ZNF420: variants seen among roughly 807,000 people sequenced by gnomAD.
The protein encoded by ZNF420 is zinc finger protein 420.
Under a neutral mutation model 44.7 loss-of-function variants are expected in ZNF420, and 31 were observed. That is an observed-to-expected ratio of 0.69 (90% confidence interval 0.52 to 0.94). The LOEUF is 0.94. Among genes scored for constraint, ZNF420 ranks in the 40% least tolerant of loss-of-function variants. The probability of loss-of-function intolerance (pLI) is 0.00; values close to 1 mark genes in which losing one functional copy is unlikely to be tolerated. For missense variants in ZNF420, 681 were observed against 827.9 expected, an observed-to-expected ratio of 0.82 and a Z score of 2.18; for synonymous variants, 245 against 267.4, an observed-to-expected ratio of 0.92 and a Z score of 0.82.
intron 1 of ZNF420, among the ~76,000 whole-genome samples, chr19:37,031,574 C>T (rs1599604880): frequency 1.3e-5 from 2 of 152,068 alleles, no homozygotes; most frequent in Admixed American, 6.5e-5. Flanking sequence ...GGCATGATCT[C>T]GGCTCACGGC....
chr19:37,104,401 T>C (rs2146620250), intron 4 of ZNF420, among the ~76,000 whole-genome samples: 1 of 152,268 alleles, frequency 6.6e-6, no homozygotes, highest in South Asian at 2.1e-4. Flanking sequence ...GACATTTGGG[T>C]TGGTTCCAAG....
chr19:37,077,904 A>C (rs945959192), upstream of ZNF420, among the ~76,000 whole-genome samples: 3 of 152,122 alleles, frequency 2.0e-5, no homozygotes, highest in Non-Finnish European at 4.4e-5. Flanking sequence ...AAATCACCTC[A>C]CACCCCACAG....
At chr19:37,118,573 A>G (rs1970828615) in intron 4 of ZNF420, among the ~76,000 whole-genome samples, 1 of 152,190 alleles carries the variant, frequency 6.6e-6, no homozygotes, top group Admixed American at 6.6e-5. Context: ...AATGAGCAAA[A>G]TAACCAGCTA....
chr19:37,078,468 T>A lies in ZNF420; in HGVS notation c.-227T>A, dbSNP rs1355902725. On this transcript the variant is annotated 5_prime_UTR_variant, in exon 1 of 5. Coordinates refer to ENST00000337995, the MANE Select transcript of ZNF420 (RefSeq NM_144689.5). ...GGCCTCGCGTGGGGAGAGGGCCGCGTCTGTGGAGGAGCTTGGCTCCGCACC... is the reference window on the plus strand; with the variant it reads ...GGCCTCGCGTGGGGAGAGGGCCGCGACTGTGGAGGAGCTTGGCTCCGCACC... The A allele has an allele frequency of 6.6e-6, 1 of 152,300 alleles. No homozygotes were observed. The highest frequency in any genetic ancestry group is 2.4e-5 in the African/African-American group (1 of 41,474). 9.4% of individuals were successfully genotyped at this position (152,300 alleles called of 1,614,324 possible).
At chr19:37,102,542 A>G (rs1007587921) in intron 4 of ZNF420, among the ~76,000 whole-genome samples, 2 of 152,214 alleles carry the variant, frequency 1.3e-5, no homozygotes, top group Admixed American at 1.3e-4. Context: ...GCTGTAGCCA[A>G]GCCCTCTGGG....
chr19:37,090,929 A>AG, intron 3 of ZNF420, 66 bp from the exon 4 acceptor site: 2 of 1,544,496 alleles, frequency 1.3e-6, no homozygotes, highest in Admixed American at 1.9e-5. Context: ...CAAAAAAAAA[A>AG]AAAGAAAGAA....
intron 4 of ZNF420, among the ~76,000 whole-genome samples, chr19:37,112,363 G>A (rs888532101): frequency 1.3e-5 from 2 of 152,032 alleles, no homozygotes; most frequent in East Asian, 1.9e-4. Flanking sequence ...ACAGATTAAC[G>A]GGAATTGAAG....
chr19:37,022,414 C>T (rs1043730720), intron 1 of ZNF420, among the ~76,000 whole-genome samples: 1 of 152,070 alleles, frequency 6.6e-6, no homozygotes, highest in African/African-American at 2.4e-5. Context: ...ATCTGAATTT[C>T]ATTCCAGGAT....
chr19:37,125,358 T>C (rs751906020), intron 4 of ZNF420, among the ~76,000 whole-genome samples: 1 of 152,180 alleles, frequency 6.6e-6, no homozygotes, highest in Non-Finnish European at 1.5e-5. Flanking sequence ...CTTAGTATCC[T>C]ATTTGAAAGG....
At chr19:37,017,247 G>A (rs1044225307) in intron 1 of ZNF420, among the ~76,000 whole-genome samples, 5 of 152,184 alleles carry the variant, frequency 3.3e-5, no homozygotes, top group Non-Finnish European at 7.3e-5. Context: ...TGTCTGAAGT[G>A]AGAGTAGTCT....
chr19:37,118,581 C>G (rs566440983), intron 4 of ZNF420, among the ~76,000 whole-genome samples: 6,770 of 152,122 alleles, frequency 0.045, 204 homozygotes, highest in East Asian at 0.078. Flanking sequence ...AAATAACCAG[C>G]TAACATCATA....
At chr19:37,044,082 C>A (rs376896405) in intron 1 of ZNF420, among the ~76,000 whole-genome samples, 188 of 152,298 alleles carry the variant, frequency 1.2e-3, no homozygotes, top group African/African-American at 4.4e-3. Flanking sequence ...ACTGGTCAGA[C>A]CTTTGTCCAG....
intron 1 of ZNF420, among the ~76,000 whole-genome samples, chr19:37,059,833 T>TGC (rs1055509915): frequency 1.3e-5 from 2 of 152,050 alleles, no homozygotes; most frequent in Non-Finnish European, 2.9e-5. Context: ...TGTGTGTGTG[T>TGC]GCGTATGTGT....
chr19:37,059,505 CGACAGGAACGTCTCCG>C (rs1967829481), intron 1 of ZNF420, among the ~76,000 whole-genome samples: 1 of 152,186 alleles, frequency 6.6e-6, no homozygotes, highest in Non-Finnish European at 1.5e-5. Context: ...TCCACGGGGT[CGACAGGAACGTCTCCG>C]GATGCCACGA....
At chr19:37,119,935 C>G in intron 4 of ZNF420, among the ~76,000 whole-genome samples, 1 of 152,094 alleles carries the variant, frequency 6.6e-6, no homozygotes. Context: ...GAAGTTGAAT[C>G]TCTGAATAGA....
At chr19:37,060,708 T>G (rs1681849736) in intron 1 of ZNF420, among the ~76,000 whole-genome samples, 1 of 151,892 alleles carries the variant, frequency 6.6e-6, no homozygotes, top group African/African-American at 2.4e-5. Flanking sequence ...ACCTCATGTG[T>G]GGGGGGGATT....
chr19:37,093,556 A>C (rs896029592), intron 4 of ZNF420, among the ~76,000 whole-genome samples: 1 of 152,128 alleles, frequency 6.6e-6, no homozygotes, highest in Non-Finnish European at 1.5e-5. Flanking sequence ...GCACGAAGCT[A>C]TTCATGAGGG....
At chr19:37,016,773 C>T (rs1225871063) in intron 1 of ZNF420, among the ~76,000 whole-genome samples, 1 of 152,188 alleles carries the variant, frequency 6.6e-6, no homozygotes, top group East Asian at 1.9e-4. Flanking sequence ...GCTACTGGGA[C>T]CCCTCGGAGG....
At chr19:37,047,746 C>T (rs1402334634) in intron 1 of ZNF420, among the ~76,000 whole-genome samples, 1 of 152,150 alleles carries the variant, frequency 6.6e-6, no homozygotes, top group African/African-American at 2.4e-5. Context: ...GTCCAGAATA[C>T]ATTCTCTTAA....
Sources: gnomAD v4.1 joint callset for allele counts (sites outside exome capture counted in the v4.1 genomes callset) on GRCh38, gnomAD v4.1.1 for gene constraint, MANE v1.5 for transcripts, NCBI Gene and HGNC (gene_info 2026-07-23, HGNC 2026-07-21) for gene names.